Variants in SCIMP observed in about 807,000 individuals in gnomAD.
The protein encoded by SCIMP is SLP adaptor and CSK interacting membrane protein, also known as SLP adapter and CSK-interacting membrane protein.
A neutral mutation model predicts 22.0 loss-of-function variants in SCIMP; 18 were observed. The observed-to-expected ratio is 0.82, with a 90% CI of 0.56 to 1.21. SCIMP has a LOEUF of 1.21. Among genes scored for constraint, SCIMP ranks in the 50% most tolerant of loss-of-function variants. The pLI, the probability that SCIMP is intolerant of heterozygous loss-of-function variation, is 0.00. For missense variants in SCIMP, 155 were observed against 171.2 expected (o/e 0.91, Z 0.53); for synonymous variants, 53 against 62.2 (o/e 0.85, Z 0.70).
intron 1 of SCIMP, among the ~76,000 whole-genome samples, chr17:5,232,196 C>T (rs142641150): frequency 2.2e-4 from 34 of 152,298 alleles, no homozygotes; most frequent in Middle Eastern, 3.4e-3. Context: ...AGAGCAGCGC[C>T]GTGTTATGTT....
At chr17:5,229,874 G>GCTCCTCTCCTCTCCA (rs1260120526) in intron 1 of SCIMP, among the ~76,000 whole-genome samples, 1 of 123,438 alleles carries the variant, frequency 8.1e-6, no homozygotes, top group African/African-American at 3.2e-5. Context: ...TCTCCTCTCT[G>GCTCCTCTCCTCTCCA]CTCCTCTCCT....
intron 2 of SCIMP, among the ~76,000 whole-genome samples, chr17:5,222,290 AC>A (rs1227330957): frequency 1.3e-5 from 2 of 151,136 alleles, no homozygotes; most frequent in Non-Finnish European, 1.5e-5. Flanking sequence ...ACGGGGTTTC[AC>A]CGTGTTAGCC....
At chr17:5,216,242 G>A (rs1217951076) in intron 3 of SCIMP, among the ~76,000 whole-genome samples, 1 of 152,114 alleles carries the variant, frequency 6.6e-6, no homozygotes, top group Non-Finnish European at 1.5e-5. Context: ...TACTCCCACG[G>A]TGGAATGTTC....
chr17:5,211,600 C>G (rs1023410390), intron 4 of SCIMP, among the ~76,000 whole-genome samples: 1 of 151,948 alleles, frequency 6.6e-6, no homozygotes, highest in African/African-American at 2.4e-5. Context: ...TGTTACAGAT[C>G]CTAATTTTTA....
intron 1 of SCIMP, among the ~76,000 whole-genome samples, chr17:5,230,925 A>G (rs1172955735): frequency 6.6e-6 from 1 of 152,174 alleles, no homozygotes; most frequent in African/African-American, 2.4e-5. Context: ...TGGGTTATAG[A>G]GTGAGACCCT....
At chr17:5,227,615 C>A (rs1453941155) in intron 1 of SCIMP, among the ~76,000 whole-genome samples, 1 of 152,136 alleles carries the variant, frequency 6.6e-6, no homozygotes, top group South Asian at 2.1e-4. Flanking sequence ...GAGCTCACAC[C>A]TAAGTTTCCA....
At chr17:5,222,546 A>C (rs1399883899) in intron 2 of SCIMP, among the ~76,000 whole-genome samples, 1 of 152,228 alleles carries the variant, frequency 6.6e-6, no homozygotes, top group Non-Finnish European at 1.5e-5. Context: ...TGAGGGTGCC[A>C]AGAGGTTTCT....
In SCIMP at chr17:5,210,326, C is replaced by T. The variant is rs1310515570; in HGVS notation, c.*475G>A. ...CAGCTGTAACTCACCCACAGCCTCA[C>T]AGTGCAGGAGGTGGGTGGGGTGAGA... On this transcript the variant is annotated 3_prime_UTR_variant, in exon 5 of 5. Coordinates refer to ENST00000574081, the MANE Select transcript of SCIMP (RefSeq NM_207103.3). The T allele has an allele frequency of 6.5e-6, 1 of 153,732 alleles. No individual in the cohort carries two copies. The highest frequency in any genetic ancestry group is 1.4e-5 in the Non-Finnish European group (1 of 69,080). The allele number at this position is 153,732 out of a possible 1,614,324, so 9.5% of individuals were successfully genotyped here.
chr17:5,228,685 A>G (rs191581134), intron 1 of SCIMP, among the ~76,000 whole-genome samples: 38 of 151,964 alleles, frequency 2.5e-4, no homozygotes, highest in East Asian at 1.9e-3. Flanking sequence ...TTTTCTTCCA[A>G]CTGAGCCTGT....
At chr17:5,231,189 G>A (rs2074691253) in intron 1 of SCIMP, among the ~76,000 whole-genome samples, 1 of 151,866 alleles carries the variant, frequency 6.6e-6, no homozygotes, top group African/African-American at 2.4e-5. Context: ...GTGAAACCCC[G>A]TCTCTACTAA....
intron 1 of SCIMP, chr17:5,234,445 C>G (rs957966282): frequency 1.5e-5 from 7 of 475,624 alleles, no homozygotes; most frequent in Non-Finnish European, 2.3e-5. Context: ...GTCATTATCT[C>G]ATTTCAATCC....
chr17:5,228,659 A>G (rs1219415947), intron 1 of SCIMP, among the ~76,000 whole-genome samples: 1 of 152,038 alleles, frequency 6.6e-6, no homozygotes, highest in Non-Finnish European at 1.5e-5. Context: ...AAAAAAGAAA[A>G]AACAGTGAAA....
At chr17:5,230,227 T>A (rs1452304996) in intron 1 of SCIMP, among the ~76,000 whole-genome samples, 1 of 152,202 alleles carries the variant, frequency 6.6e-6, no homozygotes, top group East Asian at 1.9e-4. Context: ...AGATGTTGCA[T>A]GCAAAAGAGC....
At chr17:5,234,119 A>C (rs1385301870) in intron 1 of SCIMP, among the ~76,000 whole-genome samples, 1 of 152,028 alleles carries the variant, frequency 6.6e-6, no homozygotes, top group Non-Finnish European at 1.5e-5. Flanking sequence ...AAAAATACAG[A>C]AATTAGCCAG....
At chr17:5,222,557 G>A (rs1175267728) in intron 2 of SCIMP, among the ~76,000 whole-genome samples, 1 of 152,166 alleles carries the variant, frequency 6.6e-6, no homozygotes, top group African/African-American at 2.4e-5. Flanking sequence ...AGAGGTTTCT[G>A]GTCTAGGTAA....
At chr17:5,216,796 A>AT (rs2074568874) in intron 3 of SCIMP, among the ~76,000 whole-genome samples, 1 of 152,166 alleles carries the variant, frequency 6.6e-6, no homozygotes, top group Admixed American at 6.5e-5. Context: ...GTAACGTCCT[A>AT]TTTCTTGATC....
Position 5,210,911 on chromosome 17 carries a change from C to A in SCIMP, c.328G>T (p.Val110Leu). The A allele has an allele frequency of 6.2e-7, 1 of 1,613,988 alleles. No homozygotes were observed. The highest frequency in any genetic ancestry group is 8.5e-7 in the Non-Finnish European group (1 of 1,179,974). The change falls in exon 5 of 5, where the codon GTA becomes TTA. Residue 110 changes from valine to leucine, a missense_variant. Transcript: ENST00000574081. ...PSQPPATYSL[V>L]NKVKNKKTVS... Reference sequence around the variant, plus strand: ...GTCTTCTTATTTTTAACTTTATTTACCAGTGAGTATGTAGCGGGCGGCTGA... The same window carrying A: ...GTCTTCTTATTTTTAACTTTATTTAACAGTGAGTATGTAGCGGGCGGCTGA...
intron 1 of SCIMP, among the ~76,000 whole-genome samples, chr17:5,229,619 C>T (rs1313585412): frequency 6.6e-6 from 1 of 152,086 alleles, no homozygotes; most frequent in Admixed American, 6.6e-5. Flanking sequence ...TGGTCTTGAA[C>T]TCCTGACTTC....
chr17:5,234,380 C>T (rs1225400309), intron 1 of SCIMP, among the ~76,000 whole-genome samples: 1 of 151,784 alleles, frequency 6.6e-6, no homozygotes, highest in African/African-American at 2.4e-5. Flanking sequence ...CAAAACACAC[C>T]ATCGGCATCC....
Sources: gnomAD v4.1 joint callset for allele counts (sites outside exome capture counted in the v4.1 genomes callset) on GRCh38, gnomAD v4.1.1 for gene constraint, MANE v1.5 for transcripts, NCBI Gene and HGNC (gene_info 2026-07-23, HGNC 2026-07-21) for gene names.